ZSCAN18: variants seen among roughly 807,000 people sequenced by gnomAD.
The protein encoded by ZSCAN18 is zinc finger and SCAN domain-containing protein 18.
ZSCAN18 carries 16 observed loss-of-function variants against 31.1 expected under a neutral mutation model. The ratio of observed to expected loss-of-function variants is 0.51; its 90% CI spans 0.35 to 0.78. The LOEUF is 0.78. Among genes scored for constraint, ZSCAN18 ranks in the 30% least tolerant of loss-of-function variants. The pLI is 0.01. For missense variants in ZSCAN18, 731 were observed against 697.4 expected (o/e 1.05, Z -0.54); for synonymous variants, 375 against 320.7 (o/e 1.17, Z -1.81).
intron 2 of ZSCAN18, 32 bp from the exon 3 acceptor site, chr19:58,088,869 G>A (rs2074341721): frequency 6.3e-7 from 1 of 1,597,060 alleles, no homozygotes; most frequent in African/African-American, 1.3e-5. Context: ...GTGACCCCAA[G>A]AGGTCAGGAC....
At chr19:58,109,401 CTATTA>C in intron 1 of ZSCAN18, 8 of 1,207,846 alleles carry the variant, frequency 6.6e-6, no homozygotes, top group Non-Finnish European at 8.3e-6. Flanking sequence ...AGGCCAGTAT[CTATTA>C]TATCTGATGC....
intron 1 of ZSCAN18, among the ~76,000 whole-genome samples, chr19:58,093,655 G>C (rs559753176): frequency 6.6e-6 from 1 of 152,248 alleles, no homozygotes; most frequent in South Asian, 2.1e-4. Flanking sequence ...ACCAGTTAAC[G>C]AGTTCCCTGT....
In ZSCAN18 at chr19:58,084,956, G is replaced by A. The variant is rs748566584; in HGVS notation, c.1262C>T (p.Ala421Val). ...KPYACGECGEAFAWLSHLMEH... is the reference protein window; with the variant it reads ...KPYACGECGEVFAWLSHLMEH... ...CATCAGGTGCGAGAGCCACGCGAAG[G>A]CCTCCCCGCACTCGCCGCAGGCATA... The change falls in exon 7 of 7, where the codon GCC becomes GTC. Residue 421 changes from alanine (A) to valine (V), a missense_variant. Physicochemically the swap from Ala to Val is moderately conservative, Grantham distance 64 (BLOSUM62 0). This residue lies in a region of ZSCAN18 where 597 missense variants were observed against 499.5 expected (regional missense o/e 1.20). Coordinates refer to ENST00000601144, the MANE Select transcript of ZSCAN18 (RefSeq NM_001145543.2). This position sits in a 1 kb window ranked among gnomAD's most constrained non-coding sequence, Gnocchi z 4.5. 6.9e-6 allele frequency: 11 copies of A among 1,599,140 alleles called. No individual in the cohort carries two copies. Among genetic ancestry groups the A allele is most frequent in the Middle Eastern group, 1.7e-4 (1 of 6,044 alleles).
chr19:58,099,498 G>A (rs1156229242), upstream of ZSCAN18, among the ~76,000 whole-genome samples: 1 of 152,172 alleles, frequency 6.6e-6, no homozygotes, highest in African/African-American at 2.4e-5. Flanking sequence ...CCCACTGAGA[G>A]ATATTAGGAT....
At chr19:58,116,092 T>C (rs2547347) in intron 1 of ZSCAN18, among the ~76,000 whole-genome samples, 114,609 of 150,572 alleles carry the variant, frequency 0.76, 44,330 homozygotes, top group Non-Finnish European at 0.84. Context: ...TGCAAAGTCT[T>C]GTAGCACATA....
At chr19:58,108,268 C>A (rs928148482) in intron 1 of ZSCAN18, 11 of 985,360 alleles carry the variant, frequency 1.1e-5, no homozygotes, top group Non-Finnish European at 1.3e-5. Flanking sequence ...TAGGGCTCCC[C>A]TCACATGTGA....
At chr19:58,108,672 A>G (rs1359815175) in intron 1 of ZSCAN18, 1 of 985,348 alleles carries the variant, frequency 1.0e-6, no homozygotes, top group Non-Finnish European at 1.2e-6. Context: ...ATTCACTGTC[A>G]TTGTATTCAT....
chr19:58,086,015 A>G, intron 6 of ZSCAN18, 159 bp downstream of exon 6: 1 of 640,362 alleles, frequency 1.6e-6, no homozygotes, highest in Non-Finnish European at 2.8e-6. Flanking sequence ...CATGGACGTA[A>G]CTGGATTCCT....
intron 1 of ZSCAN18, among the ~76,000 whole-genome samples, chr19:58,107,277 C>T (rs371881595): frequency 1.3e-5 from 2 of 151,860 alleles, no homozygotes; most frequent in Admixed American, 6.6e-5. Flanking sequence ...CAGCACAGGC[C>T]GGGCATGGTG....
Position 58,084,756 on chromosome 19 carries a change from C to T in ZSCAN18, c.1462G>A (p.Ala488Thr), listed in dbSNP as rs570885021. 28 of 1,564,860 alleles carry T rather than the reference C, an allele frequency of 1.8e-5. No homozygotes were observed. Among genetic ancestry groups the T allele is most frequent in the Middle Eastern group, 1.7e-4 (1 of 5,928 alleles). ...CTCTCTGGGGGACCGCCCGCCCTAG[C>T]CCCCGCCTGGGCTTCGCGGGTGGAC... is the stretch of plus-strand genomic sequence containing the variant. ...QPSTREAQAG[A>T]RAGGPPESVE... The change falls in exon 7 of 7, where the codon GCT (alanine) becomes ACT (threonine). Residue 488 changes from alanine (A) to threonine (T), a missense_variant. Transcript: ENST00000601144. The surrounding 1 kb of genome is among the most constrained non-coding windows in gnomAD (Gnocchi z 4.5).
chr19:58,101,071 C>T (rs1448103442), upstream of ZSCAN18, among the ~76,000 whole-genome samples: 1 of 151,836 alleles, frequency 6.6e-6, no homozygotes, highest in Non-Finnish European at 1.5e-5. Context: ...GCCAATACCA[C>T]ATTGGGTTAC....
Position 58,086,249 on chromosome 19 carries a change from G to A in ZSCAN18, c.763C>T (p.Pro255Ser). The change falls in exon 6 of 7, where the codon CCT (proline) becomes TCT (serine). Residue 255 changes from proline to serine, a missense_variant. Coordinates refer to ENST00000601144, the MANE Select transcript of ZSCAN18 (RefSeq NM_001145543.2). Reference sequence around the variant, plus strand: ...GTGTCCAGCCTGGAGGCAGCGTCAGGCTGGGAAAGCTGATACCCTGAGTGG... The same window carrying A: ...GTGTCCAGCCTGGAGGCAGCGTCAGACTGGGAAAGCTGATACCCTGAGTGG... ...LLLWGYQLSQ[P>S]DAASRLDTEE... 2 of 1,613,920 alleles carry A rather than the reference G, an allele frequency of 1.2e-6. No homozygotes were observed. The highest frequency in any genetic ancestry group is 1.7e-6 in the Non-Finnish European group (2 of 1,179,902).
rs1355673013 is a variant in ZSCAN18, at chr19:58,084,689, C to T, written c.1529G>A (p.Arg510Lys). 4.0e-6 allele frequency: 6 copies of T among 1,493,926 alleles called. No homozygotes were observed. The highest frequency in any genetic ancestry group is 5.3e-6 in the Non-Finnish European group (6 of 1,132,364). The allele number at this position is 1,493,926 out of a possible 1,614,324, so 92.5% of individuals were successfully genotyped here. A position where few individuals can be genotyped will look rare whatever the true frequency, so the allele number is the denominator to read the frequency against. The part of the protein sequence containing the change: ...EAPPAPPEAQ[R>K] ...GGAACGGGACAGCACAGCGGCTCAC[C>T]TCTGCGCCTCTGGGGGTGCGGGGGG... is the stretch of plus-strand genomic sequence containing the variant. Residue 510 changes from arginine (R) to lysine (K), a missense_variant, in exon 7 of 7, where the codon AGG becomes AAG. By Grantham distance (26) the Arg-to-Lys change is conservative (BLOSUM62 2). Around this residue, in one of 4 missense-constraint regions of ZSCAN18, gnomAD observed 597 missense variants for 499.5 expected, o/e 1.20. Coordinates refer to ENST00000601144, the MANE Select transcript of ZSCAN18 (RefSeq NM_001145543.2). This position sits in a 1 kb window ranked among gnomAD's most constrained non-coding sequence, Gnocchi z 4.5.
intron 1 of ZSCAN18, chr19:58,108,039 C>A: frequency 9.9e-7 from 1 of 1,012,654 alleles, no homozygotes. Context: ...TCCTCTTGTG[C>A]CTGATGAGGT....
chr19:58,088,646 C>T (rs2074334906), intron 3 of ZSCAN18, 42 bp downstream of exon 3: 3 of 1,593,810 alleles, frequency 1.9e-6, no homozygotes, highest in Non-Finnish European at 1.7e-6. Context: ...CAACACCCCA[C>T]CTAAGGCCCA....
chr19:58,095,713 A>G (rs1235430823), intron 1 of ZSCAN18, among the ~76,000 whole-genome samples: 1 of 152,170 alleles, frequency 6.6e-6, no homozygotes, highest in Non-Finnish European at 1.5e-5. Context: ...TGGCCAAGAC[A>G]GTGGGGGACA....
chr19:58,101,079 T>C (rs1384643911), upstream of ZSCAN18, among the ~76,000 whole-genome samples: 1 of 152,072 alleles, frequency 6.6e-6, no homozygotes, highest in Non-Finnish European at 1.5e-5. Context: ...CACATTGGGT[T>C]ACCACGGCTA....
rs776415011 is a variant in ZSCAN18, at chr19:58,085,095, C to T, written c.1123G>A (p.Glu375Lys). Residue 375 changes from glutamate to lysine, a missense_variant, in exon 7 of 7, where the codon GAG (glutamate) becomes AAG (lysine). This residue lies in a region of ZSCAN18 where 597 missense variants were observed against 499.5 expected (regional missense o/e 1.20). Transcript: ENST00000601144. The part of the protein sequence containing the change: ...AKLGTKRPHP[E>K]DGDGQSLEGV... ...TCGAGGCTCTGCCCGTCCCCATCCT[C>T]GGGGTGCGGCCTCTTGGTTCCCAGT... 1.2e-5 allele frequency: 20 copies of T among 1,605,628 alleles called. No homozygotes were observed. Among genetic ancestry groups the T allele is most frequent in the South Asian group, 3.3e-5 (3 of 90,362 alleles).
chr19:58,084,804 C>A lies in ZSCAN18; in HGVS notation c.1414G>T (p.Gly472Trp), dbSNP rs1166039543. The A allele has an allele frequency of 6.3e-7, 1 of 1,583,404 alleles. No homozygotes were observed. Among genetic ancestry groups the A allele is most frequent in the South Asian group, 1.1e-5 (1 of 87,998 alleles). Residue 472 changes from glycine (G) to tryptophan (W), a missense_variant, in exon 7 of 7, where the codon GGG becomes TGG. Transcript: ENST00000601144. This position sits in a 1 kb window ranked among gnomAD's most constrained non-coding sequence, Gnocchi z 4.5. ...THEKEKSYAL[G>W]GARGPQPSTR... ...GACGGTTGGGGGCCCCGGGCGCCCC[C>A]CAGCGCGTAGCTTTTCTCCTTCTCG...
Sources: gnomAD v4.1 joint callset for allele counts (sites outside exome capture counted in the v4.1 genomes callset) on GRCh38, gnomAD v4.1.1 for gene constraint, gnomAD v4.1.1 regional missense constraint, Gnocchi (gnomAD v3.1) non-coding constraint, MANE v1.5 for transcripts, NCBI Gene and HGNC (gene_info 2026-07-23, HGNC 2026-07-21) for gene names.